PSMD9: variants seen among roughly 807,000 people sequenced by gnomAD.
PSMD9 encodes proteasome 26S subunit, non-ATPase 9, also known as 26S proteasome non-ATPase regulatory subunit 9.
A neutral mutation model predicts 25.9 loss-of-function variants in PSMD9; 26 were observed. That is an observed-to-expected ratio of 1.00 (90% confidence interval 0.73 to 1.39). The LOEUF (loss-of-function observed/expected upper bound fraction) is 1.39, where lower values mean the gene tolerates loss of function less well. PSMD9 is among the 40% of genes most tolerant of loss of function. The probability of loss-of-function intolerance (pLI) is 0.00; values close to 1 mark genes in which losing one functional copy is unlikely to be tolerated. For missense variants in PSMD9, 303 were observed against 299.3 expected (o/e 1.01, Z -0.09); for synonymous variants, 110 against 114.5 (o/e 0.96, Z 0.25).
intron 2 of PSMD9, among the ~76,000 whole-genome samples, chr12:121,896,903 A>G (rs1203482960): frequency 6.6e-6 from 1 of 152,008 alleles, no homozygotes; most frequent in Non-Finnish European, 1.5e-5. Flanking sequence ...TGGCTTCTGT[A>G]TGTAATCTCC....
rs1350151321 is a variant in PSMD9, at chr12:121,897,916, C to T, written c.242-1718C>T. 3.3e-5 allele frequency: 5 copies of T among 152,136 alleles called. No homozygotes were observed. The South Asian group carries it at 6.2e-4, about 19-fold the overall frequency. The allele number at this position is 152,136 out of a possible 1,614,324, so 9.4% of individuals were successfully genotyped here. A position where few individuals can be genotyped will look rare whatever the true frequency, so the allele number is the denominator to read the frequency against. ...AGAAACATTTTGTACTGAAAAAAAC[C>T]CTTTCAACATTTTGATTAGAATTGT... On this transcript the variant is annotated intron_variant, in intron 2 of 5. Transcript: ENST00000541212.
At chr12:121,912,636 C>T (rs1454844217) in intron 4 of PSMD9, among the ~76,000 whole-genome samples, 2 of 151,910 alleles carry the variant, frequency 1.3e-5, no homozygotes, top group Non-Finnish European at 2.9e-5. Flanking sequence ...GAGGCTGAGG[C>T]GGGCGGATCA....
chr12:121,900,966 G>A lies in PSMD9; in HGVS notation c.453+1121G>A, dbSNP rs147937762. 1.1e-4 allele frequency among the ~76,000 whole-genome samples: 16 copies of A among 145,342 alleles called. No individual in the cohort carries two copies. In the East Asian group the frequency reaches 2.4e-3, roughly 22 times the overall value. ...TGCCACTACACTCCAGAGCCTGGGC[G>A]ACAGAGTGAGACTCTGTCTAAAAAA... On this transcript the variant is annotated intron_variant, in intron 3 of 5. Transcript: ENST00000541212.
chr12:121,906,867 G>A (rs1012500331), intron 4 of PSMD9, among the ~76,000 whole-genome samples: 29 of 149,736 alleles, frequency 1.9e-4, no homozygotes, highest in African/African-American at 7.1e-4. Flanking sequence ...TTGGGAGGCC[G>A]AGGCAGGAGA....
At chr12:121,916,141 G>T in intron 5 of PSMD9, 143 bp from the exon 6 acceptor site, 1 of 1,244,038 alleles carries the variant, frequency 8.0e-7, no homozygotes, top group Non-Finnish European at 1.2e-6. Flanking sequence ...TCTCTCCTGG[G>T]AGTCTCTCCA....
intron 4 of PSMD9, among the ~76,000 whole-genome samples, chr12:121,913,193 C>T (rs1312161813): frequency 6.6e-6 from 1 of 152,088 alleles, no homozygotes; most frequent in Non-Finnish European, 1.5e-5. Flanking sequence ...ATCTGCCCAC[C>T]TTGGCCTCCC....
At chr12:121,889,200 A>G (rs930722627) in intron 1 of PSMD9, among the ~76,000 whole-genome samples, 1 of 152,244 alleles carries the variant, frequency 6.6e-6, no homozygotes, top group African/African-American at 2.4e-5. Context: ...ATATCCAGCA[A>G]GAGTTTGTGG....
chr12:121,892,860 A>C (rs1246906015), intron 1 of PSMD9, among the ~76,000 whole-genome samples: 2 of 152,246 alleles, frequency 1.3e-5, no homozygotes, highest in South Asian at 2.1e-4. Flanking sequence ...GCAACAGAAG[A>C]TCTTGTCTCA....
intron 4 of PSMD9, among the ~76,000 whole-genome samples, chr12:121,912,418 A>G (rs1879752681): frequency 6.6e-6 from 1 of 151,922 alleles, no homozygotes; most frequent in Non-Finnish European, 1.5e-5. Context: ...ACAGGGCTCC[A>G]TTTTCCCCGC....
rs1005737559 is a variant in PSMD9 at position 121,888,795 on chromosome 12, C to T, written c.-62C>T. 17 of 1,550,460 alleles carry T rather than the reference C, an allele frequency of 1.1e-5. No homozygotes were observed. Among genetic ancestry groups the T allele is most frequent in the Middle Eastern group, 2.3e-4 (1 of 4,376 alleles). On this transcript the variant is annotated 5_prime_UTR_variant, in exon 1 of 6. Transcript: ENST00000541212. Reference sequence around the variant, plus strand: ...GCATGGGCGGAGCCGTAGTTACGGTCGACTGGGGCGTCGTCCCTAGCCCGG... The same window carrying T: ...GCATGGGCGGAGCCGTAGTTACGGTTGACTGGGGCGTCGTCCCTAGCCCGG...
chr12:121,910,406 A>G (rs1205374725), intron 4 of PSMD9, among the ~76,000 whole-genome samples: 1 of 151,756 alleles, frequency 6.6e-6, no homozygotes, highest in Non-Finnish European at 1.5e-5. Flanking sequence ...TCTTAGATTT[A>G]GAGATTCCAT....
intron 2 of PSMD9, among the ~76,000 whole-genome samples, chr12:121,896,086 A>G (rs1287907671): frequency 2.0e-5 from 3 of 151,618 alleles, no homozygotes; most frequent in Middle Eastern, 6.8e-3. Context: ...GCTCACTGCA[A>G]CTTCCACCTC....
At chr12:121,915,628 C>G (rs988595961) in intron 4 of PSMD9, 2 of 523,298 alleles carry the variant, frequency 3.8e-6, no homozygotes, top group Non-Finnish European at 6.8e-6. Context: ...TTTTAAAGAT[C>G]GTTGGTGGTG....
At chr12:121,905,631 G>A (rs891342997) in intron 4 of PSMD9, among the ~76,000 whole-genome samples, 18 of 151,226 alleles carry the variant, frequency 1.2e-4, no homozygotes, top group Middle Eastern at 6.8e-3. Context: ...AGGTTCAAGC[G>A]ATTCTCCAGC....
At chr12:121,909,843 T>A (rs1879666831) in intron 4 of PSMD9, among the ~76,000 whole-genome samples, 1 of 152,080 alleles carries the variant, frequency 6.6e-6, no homozygotes, top group African/African-American at 2.4e-5. Context: ...CAAACAGTGG[T>A]GTAGCGAGTG....
At chr12:121,893,324 C>T (rs1879141025) in intron 1 of PSMD9, among the ~76,000 whole-genome samples, 1 of 152,174 alleles carries the variant, frequency 6.6e-6, no homozygotes, top group East Asian at 1.9e-4. Flanking sequence ...TTGGGTGTAA[C>T]CCGGAGGCTT....
chr12:121,888,807 C>G lies in PSMD9; in HGVS notation c.-50C>G, dbSNP rs1184899344. On this transcript the variant is annotated 5_prime_UTR_variant, in exon 1 of 6. Transcript: ENST00000541212. Reference sequence around the variant, plus strand: ...CCGTAGTTACGGTCGACTGGGGCGTCGTCCCTAGCCCGGGAGCCGGGTCTC... The same window carrying G: ...CCGTAGTTACGGTCGACTGGGGCGTGGTCCCTAGCCCGGGAGCCGGGTCTC... The G allele has an allele frequency of 4.5e-6, 7 of 1,568,456 alleles. No individual in the cohort carries two copies. Among genetic ancestry groups the G allele is most frequent in the African/African-American group, 2.7e-5 (2 of 73,992 alleles).
chr12:121,896,914 C>A (rs545814687), intron 2 of PSMD9, among the ~76,000 whole-genome samples: 2 of 151,792 alleles, frequency 1.3e-5, no homozygotes, highest in African/African-American at 2.4e-5. Flanking sequence ...TGTAATCTCC[C>A]GTGTTGTTAA....
At position 121,888,812 on chromosome 12, in the gene PSMD9, C is replaced by G. The variant is rs748345985; in HGVS notation, c.-45C>G. ...GTTACGGTCGACTGGGGCGTCGTCC[C>G]TAGCCCGGGAGCCGGGTCTCTGGAG... is the stretch of plus-strand genomic sequence containing the variant. On this transcript the variant is annotated 5_prime_UTR_variant, in exon 1 of 6. Transcript: ENST00000541212. The G allele has an allele frequency of 1.3e-6, 2 of 1,579,422 alleles. No homozygotes were observed. The highest frequency in any genetic ancestry group is 1.7e-6 in the Non-Finnish European group (2 of 1,164,062).
Sources: gnomAD v4.1 joint callset for allele counts (sites outside exome capture counted in the v4.1 genomes callset) on GRCh38, gnomAD v4.1.1 for gene constraint, MANE v1.5 for transcripts, NCBI Gene and HGNC (gene_info 2026-07-23, HGNC 2026-07-21) for gene names.